MIR2052HG: variants seen among roughly 807,000 people sequenced by gnomAD.
MIR2052HG encodes MIR2052 host gene.
intron 4 of MIR2052HG, among the ~76,000 whole-genome samples, chr8:74,714,698 C>CTTTTTTTTTTTTT (rs10715580): frequency 7.2e-5 from 9 of 124,442 alleles, no homozygotes; most frequent in Admixed American, 8.6e-5. Flanking sequence ...CTTTTTCCTT[C>CTTTTTTTTTTTTT]TTTTTTTTTT....
At chr8:74,716,667 G>T (rs1216155873) in intron 4 of MIR2052HG, among the ~76,000 whole-genome samples, 1 of 152,072 alleles carries the variant, frequency 6.6e-6, no homozygotes, top group Non-Finnish European at 1.5e-5. Context: ...CCAAGATCAT[G>T]CCACTGTACT....
At chr8:74,696,557 TGGG>T (rs1809298598) in intron 2 of MIR2052HG, among the ~76,000 whole-genome samples, 1 of 151,696 alleles carries the variant, frequency 6.6e-6, no homozygotes, top group Non-Finnish European at 1.5e-5. Context: ...ATAAATAAAA[TGGG>T]TAGAACATTA....
intron 2 of MIR2052HG, among the ~76,000 whole-genome samples, chr8:74,648,714 G>A (rs1563522534): frequency 6.6e-6 from 1 of 152,042 alleles, no homozygotes; most frequent in Non-Finnish European, 1.5e-5. Flanking sequence ...AAATATTGGG[G>A]GCTGGTTCCC....
At chr8:74,628,305 T>C (rs1252915489) in intron 2 of MIR2052HG, among the ~76,000 whole-genome samples, 4 of 152,116 alleles carry the variant, frequency 2.6e-5, no homozygotes, top group Admixed American at 2.6e-4. Context: ...GTTCAAGGGC[T>C]TGGATGGTCC....
intron 2 of MIR2052HG, among the ~76,000 whole-genome samples, chr8:74,689,525 A>C (rs1305185776): frequency 6.6e-6 from 1 of 152,208 alleles, no homozygotes; most frequent in Non-Finnish European, 1.5e-5. Flanking sequence ...TAGTTTGCTG[A>C]AGTCAGAAAA....
At chr8:74,725,838 G>A (rs767894329) in intron 4 of MIR2052HG, among the ~76,000 whole-genome samples, 5 of 152,036 alleles carry the variant, frequency 3.3e-5, no homozygotes, top group African/African-American at 1.2e-4. Context: ...ACTCAGAGTC[G>A]GGGTAAGTAT....
chr8:74,694,543 G>C (rs1489827561), intron 2 of MIR2052HG, among the ~76,000 whole-genome samples: 1 of 152,118 alleles, frequency 6.6e-6, no homozygotes, highest in Non-Finnish European at 1.5e-5. Context: ...AATTCAGAAG[G>C]TTGATTATTA....
intron 2 of MIR2052HG, among the ~76,000 whole-genome samples, chr8:74,680,116 T>C (rs1809106536): frequency 6.6e-6 from 1 of 152,196 alleles, no homozygotes; most frequent in African/African-American, 2.4e-5. Context: ...TTAGATATGG[T>C]AAAATCTATA....
At chr8:74,688,067 G>T (rs1809202003) in intron 2 of MIR2052HG, among the ~76,000 whole-genome samples, 2 of 152,150 alleles carry the variant, frequency 1.3e-5, no homozygotes, top group South Asian at 4.1e-4. Flanking sequence ...GCTTACAAGA[G>T]AGAACATACT....
At chr8:74,704,129 A>G (rs907898355) in intron 4 of MIR2052HG, among the ~76,000 whole-genome samples, 3 of 151,954 alleles carry the variant, frequency 2.0e-5, no homozygotes, top group African/African-American at 4.8e-5. Flanking sequence ...TTTTTTTTCT[A>G]TTAATTTTCT....
chr8:74,601,625 A>G (rs1324037949), intron 1 of MIR2052HG, among the ~76,000 whole-genome samples: 1 of 152,244 alleles, frequency 6.6e-6, no homozygotes, highest in African/African-American at 2.4e-5. Context: ...AATTCCTAAT[A>G]TGTGTACAAA....
At chr8:74,744,369 C>T (rs1335487959) in intron 4 of MIR2052HG, among the ~76,000 whole-genome samples, 2 of 151,308 alleles carry the variant, frequency 1.3e-5, no homozygotes, top group African/African-American at 2.4e-5. Flanking sequence ...TACATGTGCA[C>T]AATGTGCAGG....
chr8:74,750,570 G>T (rs945983161), intron 4 of MIR2052HG, among the ~76,000 whole-genome samples: 1 of 140,132 alleles, frequency 7.1e-6, no homozygotes, highest in Non-Finnish European at 1.6e-5. Flanking sequence ...TTTTGACAAG[G>T]AGTTGTGTTG....
chr8:74,738,870 G>T (rs911293252), intron 4 of MIR2052HG, among the ~76,000 whole-genome samples: 4 of 152,212 alleles, frequency 2.6e-5, no homozygotes, highest in African/African-American at 9.6e-5. Context: ...CACGCATTCA[G>T]TCTGCCTCTG....
At chr8:74,662,231 C>A (rs908659212) in intron 2 of MIR2052HG, among the ~76,000 whole-genome samples, 1 of 152,184 alleles carries the variant, frequency 6.6e-6, no homozygotes, top group Non-Finnish European at 1.5e-5. Context: ...TAGACATTTT[C>A]TCTCCCACAA....
intron 1 of MIR2052HG, among the ~76,000 whole-genome samples, chr8:74,612,220 C>T (rs1808207995): frequency 6.6e-6 from 1 of 152,208 alleles, no homozygotes; most frequent in Non-Finnish European, 1.5e-5. Flanking sequence ...ATTCCCAGCA[C>T]ATTCTACAGG....
chr8:74,658,505 C>T (rs564042339), intron 2 of MIR2052HG, among the ~76,000 whole-genome samples: 29 of 152,066 alleles, frequency 1.9e-4, no homozygotes, highest in Non-Finnish European at 3.8e-4. Context: ...ATTCTCCTGC[C>T]TCAGCCTCCA....
chr8:74,693,975 G>T (rs1224837824), intron 2 of MIR2052HG, among the ~76,000 whole-genome samples: 2 of 152,224 alleles, frequency 1.3e-5, no homozygotes, highest in Non-Finnish European at 2.9e-5. Context: ...CAACCCTAGG[G>T]CAATCTTGTG....
chr8:74,729,127 A>G lies in MIR2052HG; in HGVS notation n.372-23314A>G, dbSNP rs542331806. Among the ~76,000 whole-genome samples, 23 of 152,280 alleles carry G rather than the reference A, an allele frequency of 1.5e-4. No individual in the cohort carries two copies. In the East Asian group the frequency reaches 4.4e-3, roughly 29 times the overall value. On this transcript the variant is annotated intron_variant and non_coding_transcript_variant, in intron 4 of 6. Coordinates refer to ENST00000523442, the Ensembl canonical transcript of MIR2052HG. ...CGCAAACGAATAACTGGCTCCAACA[A>G]TCACATCACTGTAATTGTTCACACA...
Sources: allele counts gnomAD v4.1 joint callset (sites outside exome capture counted in the v4.1 genomes callset), GRCh38; gene constraint gnomAD v4.1.1; transcripts MANE v1.5; gene names NCBI Gene and HGNC (gene_info 2026-07-23, HGNC 2026-07-21).